The following EYS variants were observed in gnomAD, a reference collection of about 807,000 sequenced individuals.
EYS encodes the protein EGF-like photoreceptor maintenance factor.
Under a neutral mutation model 282.1 loss-of-function variants are expected in EYS, and 250 were observed. That is an observed-to-expected ratio of 0.89 (90% CI 0.80 to 0.98). The LOEUF is 0.98. Ranked by LOEUF, EYS falls within the 50% of genes least tolerant of loss-of-function variation. The pLI is 0.00. For missense variants in EYS, 4,016 were observed against 3,709.0 expected (o/e 1.08, Z -2.15); for synonymous variants, 1,355 against 1,282.9 (o/e 1.06, Z -1.20).
intron 13 of EYS, among the ~76,000 whole-genome samples, chr6:65,020,918 C>T (rs759988117): frequency 3.3e-5 from 5 of 152,248 alleles, no homozygotes; most frequent in Non-Finnish European, 7.4e-5. Context: ...CTGAACTGTA[C>T]ATTTCCCTTT....
chr6:63,873,394 G>A (rs1282448012), intron 35 of EYS, among the ~76,000 whole-genome samples: 2 of 152,102 alleles, frequency 1.3e-5, no homozygotes, highest in Non-Finnish European at 2.9e-5. Context: ...TCTTAATCCA[G>A]TCTATCATTG....
At chr6:64,722,242 A>G (rs1187114907) in intron 22 of EYS, among the ~76,000 whole-genome samples, 4 of 152,200 alleles carry the variant, frequency 2.6e-5, no homozygotes, top group Non-Finnish European at 5.9e-5. Flanking sequence ...ACTGTATATA[A>G]TAAAGTCAAA....
intron 33 of EYS, among the ~76,000 whole-genome samples, chr6:64,027,787 C>CCAAA (rs1769605753): frequency 6.6e-6 from 1 of 152,212 alleles, no homozygotes; most frequent in Non-Finnish European, 1.5e-5. Context: ...ACAGAAGCCC[C>CCAAA]CAAACAGATG....
At chr6:64,036,796 G>A (rs1770143795) in intron 33 of EYS, among the ~76,000 whole-genome samples, 1 of 152,192 alleles carries the variant, frequency 6.6e-6, no homozygotes, top group South Asian at 2.1e-4. Flanking sequence ...AATCTATGAT[G>A]TAATAAATGT....
intron 29 of EYS, among the ~76,000 whole-genome samples, chr6:64,344,694 G>A (rs1251857177): frequency 6.6e-6 from 1 of 151,978 alleles, no homozygotes; most frequent in East Asian, 1.9e-4. Context: ...GGAAGTTCTG[G>A]CCAGGGCAAT....
At chr6:65,636,819 ATT>A (rs1231282691) in intron 2 of EYS, among the ~76,000 whole-genome samples, 3 of 151,966 alleles carry the variant, frequency 2.0e-5, no homozygotes, top group Non-Finnish European at 4.4e-5. Flanking sequence ...TTAGTTATTT[ATT>A]TTTTGAGGCA....
At chr6:64,386,101 G>A (rs75524783) in intron 29 of EYS, among the ~76,000 whole-genome samples, 9,633 of 152,182 alleles carry the variant, frequency 0.063, 401 homozygotes, top group Non-Finnish European at 0.09. Flanking sequence ...CCGAAGGCCC[G>A]TATTTCAAAT....
chr6:64,900,997 C>T (rs1767636613), intron 18 of EYS, among the ~76,000 whole-genome samples: 3 of 151,780 alleles, frequency 2.0e-5, no homozygotes, highest in African/African-American at 4.8e-5. Flanking sequence ...AACCAAAATG[C>T]CCATCAATGT....
intron 2 of EYS, among the ~76,000 whole-genome samples, chr6:65,559,338 C>T (rs532765633): frequency 2.6e-4 from 40 of 152,046 alleles, no homozygotes; most frequent in Non-Finnish European, 4.9e-4. Flanking sequence ...GCTGAGATCA[C>T]GTCACTGCAC....
intron 2 of EYS, among the ~76,000 whole-genome samples, chr6:65,514,419 C>A (rs971706054): frequency 5.3e-5 from 8 of 152,202 alleles, no homozygotes; most frequent in African/African-American, 1.7e-4. Flanking sequence ...TGACTTTTTT[C>A]ACAGAATTGG....
At chr6:65,681,519 C>A (rs1053747973) in intron 1 of EYS, among the ~76,000 whole-genome samples, 2 of 151,914 alleles carry the variant, frequency 1.3e-5, no homozygotes, top group Admixed American at 6.6e-5. Flanking sequence ...CGTTAATGAT[C>A]TTCACGATAT....
chr6:65,570,130 AAT>A (rs200505087), intron 2 of EYS, among the ~76,000 whole-genome samples: 59 of 117,052 alleles, frequency 5.0e-4, no homozygotes, highest in South Asian at 2.9e-3. Context: ...TAAAAAATAA[AAT>A]AAAAAAAAGT....
rs1022986536 is a variant in EYS, at chr6:65,707,203, C to G, written c.-516G>C. 1 of 152,108 alleles carries G rather than the reference C, an allele frequency of 6.6e-6. No homozygotes were observed. Among genetic ancestry groups the G allele is most frequent in the Non-Finnish European group, 1.5e-5 (1 of 68,024 alleles). 9.4% of individuals were successfully genotyped at this position (152,108 alleles called of 1,614,324 possible). ...GATTACGGTTAATGTCTGGACATGC[C>G]TAGCGTGTATCACTTTGTTTCTCAG... is the stretch of plus-strand genomic sequence containing the variant. On this transcript the variant is annotated 5_prime_UTR_variant, in exon 1 of 43. Coordinates refer to ENST00000503581, the MANE Select transcript of EYS (RefSeq NM_001142800.2).
At chr6:65,579,797 G>GT (rs1764809018) in intron 2 of EYS, among the ~76,000 whole-genome samples, 5 of 152,090 alleles carry the variant, frequency 3.3e-5, no homozygotes, top group African/African-American at 1.2e-4. Context: ...TGCAACATAT[G>GT]AATTTTGAGA....
At chr6:65,035,657 A>G (rs1448991422) in intron 13 of EYS, among the ~76,000 whole-genome samples, 1 of 151,888 alleles carries the variant, frequency 6.6e-6, no homozygotes, top group Non-Finnish European at 1.5e-5. Context: ...AGAATTTCAA[A>G]ACACTGCTCA....
intron 29 of EYS, among the ~76,000 whole-genome samples, chr6:64,331,600 C>T (rs1257830938): frequency 2.2e-5 from 3 of 135,172 alleles, no homozygotes; most frequent in East Asian, 2.1e-4. Context: ...ATAGCCCCCC[C>T]GCCCGCCCAG....
At chr6:64,749,955 ATAT>A (rs1772688943) in intron 22 of EYS, among the ~76,000 whole-genome samples, 1 of 152,040 alleles carries the variant, frequency 6.6e-6, no homozygotes, top group African/African-American at 2.4e-5. Context: ...ATATCTTTTA[ATAT>A]TATTAGAAGT....
chr6:64,506,376 C>G (rs1777205338), intron 26 of EYS, among the ~76,000 whole-genome samples: 1 of 152,118 alleles, frequency 6.6e-6, no homozygotes. Context: ...CAAGTATTTC[C>G]TAAATGTGAT....
intron 33 of EYS, among the ~76,000 whole-genome samples, chr6:64,051,512 T>C (rs950199329): frequency 6.6e-6 from 1 of 152,128 alleles, no homozygotes; most frequent in Non-Finnish European, 1.5e-5. Flanking sequence ...CCCATTACTG[T>C]TAAAATTTAG....
Sources: allele counts gnomAD v4.1 joint callset (sites outside exome capture counted in the v4.1 genomes callset), GRCh38; gene constraint gnomAD v4.1.1; transcripts MANE v1.5; gene names NCBI Gene and HGNC (gene_info 2026-07-23, HGNC 2026-07-21).